GANAB: variants seen among roughly 807,000 people sequenced by gnomAD.
GANAB encodes neutral alpha-glucosidase AB.
Under a neutral mutation model 129.9 loss-of-function variants are expected in GANAB, and 35 were observed. The ratio of observed to expected loss-of-function variants is 0.27; its 90% CI spans 0.21 to 0.36. The LOEUF (loss-of-function observed/expected upper bound fraction) is 0.36, where lower values mean the gene tolerates loss of function less well. Among genes scored for constraint, GANAB ranks in the 10% least tolerant of loss-of-function variants. GANAB has a pLI of 1.00. For synonymous variants in GANAB, 482 were observed against 451.8 expected (o/e 1.07, Z -0.85); for missense variants, 939 against 1,221.0 (o/e 0.77, Z 3.44).
At chr11:62,632,508 T>C (rs926990802) in intron 9 of GANAB, 57 bp downstream of exon 9, 2 of 1,375,222 alleles carry the variant, frequency 1.5e-6, no homozygotes, top group African/African-American at 1.4e-5. Flanking sequence ...GTATACCTAT[T>C]TGCCTCAAGG....
chr11:62,642,343 T>C (rs1301894069), intron 1 of GANAB, among the ~76,000 whole-genome samples: 1 of 152,118 alleles, frequency 6.6e-6, no homozygotes, highest in East Asian at 1.9e-4. Context: ...TGTCAGCCAC[T>C]GTGCCCAGCC....
intron 1 of GANAB, among the ~76,000 whole-genome samples, chr11:62,646,247 G>A (rs1944475849): frequency 6.6e-6 from 1 of 152,350 alleles, no homozygotes; most frequent in East Asian, 1.9e-4. Context: ...ACTGCAGGAA[G>A]GGGGCGGCGA....
At position 62,626,853 on chromosome 11, in the gene GANAB, T is replaced by C; in HGVS notation, c.2397+7A>G. On this transcript the variant is annotated splice_region_variant and intron_variant, in intron 20 of 23. Coordinates refer to ENST00000356638, the MANE Select transcript of GANAB (RefSeq NM_198334.3). The stretch of plus-strand genomic sequence containing the variant: ...ATGGAACCGGCAGCCAGACCAGGCT[T>C]ACTCACACTGCTTAGAGTTACAGGC... 6.2e-7 allele frequency: 1 copy of C among 1,601,706 alleles called. No homozygotes were observed. Among genetic ancestry groups the C allele is most frequent in the African/African-American group, 1.3e-5 (1 of 74,818 alleles).
intron 4 of GANAB, 106 bp downstream of exon 4, chr11:62,638,877 A>T: frequency 2.9e-6 from 3 of 1,020,242 alleles, no homozygotes; most frequent in East Asian, 2.4e-5. Flanking sequence ...GTGCTATGCT[A>T]GTTAACTACT....
intron 22 of GANAB, 28 bp from the exon 23 acceptor site, chr11:62,626,193 CA>C (rs751369780): frequency 4.6e-5 from 69 of 1,513,948 alleles, no homozygotes; most frequent in East Asian, 6.7e-5. Context: ...AGATGTCCAT[CA>C]GGGGGAAAAA....
In GANAB at chr11:62,624,915, A is replaced by G. The variant is rs1172156095; in HGVS notation, c.*900T>C. ...GAGGAAGTAAAAAAAATACCCACAA[A>G]TATTCCCCGACTCCCCATTAGTCCT... is the stretch of plus-strand genomic sequence containing the variant. On this transcript the variant is annotated 3_prime_UTR_variant, in exon 24 of 24. Coordinates refer to ENST00000356638, the MANE Select transcript of GANAB (RefSeq NM_198334.3). 1 of 258,860 alleles carries G rather than the reference A, an allele frequency of 3.9e-6. No homozygotes were observed. The highest frequency in any genetic ancestry group is 1.4e-4 in the East Asian group (1 of 7,282). 16.0% of individuals were successfully genotyped at this position (258,860 alleles called of 1,614,324 possible). A position where few individuals can be genotyped will look rare whatever the true frequency, so the allele number is the denominator to read the frequency against.
intron 1 of GANAB, 147 bp from the exon 2 acceptor site, chr11:62,639,878 G>C (rs1272020739): frequency 6.4e-6 from 4 of 628,364 alleles, no homozygotes; most frequent in Non-Finnish European, 1.1e-5. Flanking sequence ...TACAAAACAA[G>C]GCAGAGTGGA....
chr11:62,625,760 A>C lies in GANAB; in HGVS notation c.*55T>G, dbSNP rs778797237. 35 of 1,088,654 alleles carry C rather than the reference A, an allele frequency of 3.2e-5. No homozygotes were observed. In the Admixed American group the frequency reaches 3.8e-4, roughly 12 times the overall value. 67.4% of individuals were successfully genotyped at this position (1,088,654 alleles called of 1,614,324 possible). On this transcript the variant is annotated 3_prime_UTR_variant, in exon 24 of 24. Coordinates refer to ENST00000356638, the MANE Select transcript of GANAB (RefSeq NM_198334.3). Reference sequence around the variant, plus strand: ...CGAACTCCAAGGCAGAAGAAAGAATATCTCTCAGCACTAATGCTCCCCTTC... The same window carrying C: ...CGAACTCCAAGGCAGAAGAAAGAATCTCTCTCAGCACTAATGCTCCCCTTC...
intron 5 of GANAB, chr11:62,634,477 TG>T (rs1346850327): frequency 7.8e-6 from 6 of 767,352 alleles, no homozygotes; most frequent in African/African-American, 1.8e-5. Flanking sequence ...CTTCCAGAGA[TG>T]GGGGGAAAAA....
chr11:62,630,364 T>C lies in GANAB; in HGVS notation c.1513+15A>G. On this transcript the variant is annotated intron_variant, in intron 12 of 23. Coordinates refer to ENST00000356638, the MANE Select transcript of GANAB (RefSeq NM_198334.3). The stretch of plus-strand genomic sequence containing the variant: ...GCTGGCCAATCAACTCTCCCTCAAT[T>C]CTGGGTCTGCTTACCTGGCCAGCAC... The C allele has an allele frequency of 6.2e-7, 1 of 1,614,114 alleles. No homozygotes were observed. The highest frequency in any genetic ancestry group is 1.1e-5 in the South Asian group (1 of 91,086).
At chr11:62,631,212 C>T in intron 9 of GANAB, 29 bp from the exon 10 acceptor site, 2 of 1,520,812 alleles carry the variant, frequency 1.3e-6, no homozygotes, top group Non-Finnish European at 1.8e-6. Context: ...AGGGGTCAGA[C>T]ACCTCCTGCC....
rs770506502 is a variant in GANAB at position 62,629,290 on chromosome 11, C to T, written c.1840G>A (p.Val614Met). 5.0e-6 allele frequency: 8 copies of T among 1,607,296 alleles called. No homozygotes were observed. Among genetic ancestry groups the T allele is most frequent in the Admixed American group, 1.7e-5 (1 of 60,006 alleles). The change falls in exon 16 of 24, where the codon GTG (valine) becomes ATG (methionine). Residue 614 changes from valine to methionine, a missense_variant. Val to Met is a conservative substitution (Grantham distance 21). Transcript: ENST00000356638. Reference protein sequence around the residue: ...FFAGSQRFGAVWTGDNTAEWD... With the variant: ...FFAGSQRFGAMWTGDNTAEWD... The stretch of plus-strand genomic sequence containing the variant: ...TCGGCAGTGTTGTCCCCTGTCCACA[C>T]GGCTCCTGAGGAAGACAAGAAGTGG...
intron 5 of GANAB, chr11:62,633,944 C>T (rs1327332015): frequency 1.1e-5 from 4 of 354,188 alleles, no homozygotes; most frequent in African/African-American, 6.2e-5. Flanking sequence ...CAAGCCTCTA[C>T]AGACATACAT....
chr11:62,625,186 A>G lies in GANAB; in HGVS notation c.*629T>C. 1 of 454,486 alleles carries G rather than the reference A, an allele frequency of 2.2e-6. No individual in the cohort carries two copies. The highest frequency in any genetic ancestry group is 1.6e-5 in the South Asian group (1 of 64,476). 28.2% of individuals were successfully genotyped at this position (454,486 alleles called of 1,614,324 possible). A position where few individuals can be genotyped will look rare whatever the true frequency, so the allele number is the denominator to read the frequency against. Reference sequence around the variant, plus strand: ...ACAGAGGAGGTAGAACTGCCCCTCTAAGAATTGCAGCAGCTCTACAAGGAA... The same window carrying G: ...ACAGAGGAGGTAGAACTGCCCCTCTGAGAATTGCAGCAGCTCTACAAGGAA... On this transcript the variant is annotated 3_prime_UTR_variant, in exon 24 of 24. Coordinates refer to ENST00000356638, the MANE Select transcript of GANAB (RefSeq NM_198334.3).
intron 1 of GANAB, among the ~76,000 whole-genome samples, chr11:62,645,640 C>T (rs1356059960): frequency 6.6e-6 from 1 of 152,082 alleles, no homozygotes; most frequent in African/African-American, 2.4e-5. Flanking sequence ...AGATAGGATT[C>T]CTAAAGCATC....
At position 62,646,481 on chromosome 11, in the gene GANAB, G is replaced by A. The variant is rs950879466; in HGVS notation, c.38+81C>T. 3.6e-5 allele frequency: 53 copies of A among 1,490,594 alleles called. No individual in the cohort carries two copies. The South Asian group carries it at 5.9e-4, about 17-fold the overall frequency. The allele number at this position is 1,490,594 out of a possible 1,614,324, so 92.3% of individuals were successfully genotyped here. A position where few individuals can be genotyped will look rare whatever the true frequency, so the allele number is the denominator to read the frequency against. On this transcript the variant is annotated intron_variant, in intron 1 of 23. Transcript: ENST00000356638. ...GAGGCCGGGGGTGGCAGAGTGTCAA[G>A]AGACACACAGGAAGGAGTGGAATGG...
Position 62,629,021 on chromosome 11 carries a change from G to A in GANAB, c.1937-9C>T. On this transcript the variant is annotated splice_polypyrimidine_tract_variant and intron_variant, in intron 16 of 23. Coordinates refer to ENST00000356638, the MANE Select transcript of GANAB (RefSeq NM_198334.3). ...GAAGCCACCCACATCCGCTGGTAGA[G>A]GAGAGAGAGGAAGCAGGTTGGAAAA... 3 of 1,610,078 alleles carry A rather than the reference G, an allele frequency of 1.9e-6. No homozygotes were observed. Among genetic ancestry groups the A allele is most frequent in the Non-Finnish European group, 2.5e-6 (3 of 1,176,576 alleles).
At chr11:62,630,940 G>A in intron 10 of GANAB, 90 bp downstream of exon 10, 1 of 1,512,696 alleles carries the variant, frequency 6.6e-7, no homozygotes, top group South Asian at 1.2e-5. Flanking sequence ...TATAAACCTA[G>A]AAAACAAGCT....
rs550198935 is a variant in GANAB at position 62,633,227 on chromosome 11, G to A, written c.675C>T (p.Ala225=). 19 of 1,614,076 alleles carry A rather than the reference G, an allele frequency of 1.2e-5. No homozygotes were observed. In the Admixed American group the frequency reaches 2.2e-4, roughly 18 times the overall value. Residue 225 remains alanine, a synonymous_variant, in exon 7 of 24, where the codon GCC becomes GCT. Coordinates refer to ENST00000356638, the MANE Select transcript of GANAB (RefSeq NM_198334.3). ...QGKAEKDEPG[A]WEETFKTHSD... ...AGTGAGTTTTGAATGTCTCCTCCCA[G>A]GCTCCTGGCTCATCTTTCTCTGCCT...
Sources: gnomAD v4.1 joint callset for allele counts (sites outside exome capture counted in the v4.1 genomes callset) on GRCh38, gnomAD v4.1.1 for gene constraint, MANE v1.5 for transcripts, NCBI Gene and HGNC (gene_info 2026-07-23, HGNC 2026-07-21) for gene names.